The following LCOR variants were observed in gnomAD, a reference collection of about 807,000 sequenced individuals.
The protein encoded by LCOR is ligand dependent nuclear receptor corepressor.
In LCOR, 14 loss-of-function variants were observed where a neutral mutation model predicts 64.4. The observed-to-expected ratio is 0.22, with a 90% CI of 0.14 to 0.34. The LOEUF is 0.34. Among genes scored for constraint, LCOR ranks in the 10% least tolerant of loss-of-function variants. The pLI is 1.00. For synonymous variants in LCOR, 643 were observed against 642.5 expected (o/e 1.00, Z -0.01); for missense variants, 1,686 against 1,765.3 (o/e 0.96, Z 0.80).
intron 2 of LCOR, among the ~76,000 whole-genome samples, chr10:96,888,623 G>A (rs1036726962): frequency 6.6e-6 from 1 of 151,942 alleles, no homozygotes; most frequent in African/African-American, 2.4e-5. Flanking sequence ...AATAAACATT[G>A]GTCAAGTGCA....
At position 96,939,633 on chromosome 10, in the gene LCOR, A is replaced by G. The variant is rs141846408; in HGVS notation, c.-183-4480A>G. On this transcript the variant is annotated intron_variant, in intron 4 of 7. Transcript: ENST00000421806. Reference sequence around the variant, plus strand: ...TCAGAATATATCAAGAATTCTTACAATGCAACAATAAAATGGTAAACGACT... The same window carrying G: ...TCAGAATATATCAAGAATTCTTACAGTGCAACAATAAAATGGTAAACGACT... 3.8e-3 allele frequency among the ~76,000 whole-genome samples: 578 copies of G among 152,332 alleles called. 3 individuals carry two copies. Among genetic ancestry groups the G allele is most frequent in the African/African-American group, 0.011 (444 of 41,586 alleles).
intron 7 of LCOR, among the ~76,000 whole-genome samples, chr10:96,966,220 CTTTTTTTTTTTTTTT>C (rs34210121): frequency 5.6e-4 from 31 of 55,138 alleles, no homozygotes; most frequent in African/African-American, 2.5e-3. Flanking sequence ...CCAAAGGACT[CTTTTTTTTTTTTTTT>C]TTTTTTTTTT....
chr10:96,978,893 A>G (rs759579129), intron 7 of LCOR, among the ~76,000 whole-genome samples: 2 of 152,240 alleles, frequency 1.3e-5, no homozygotes, highest in Non-Finnish European at 2.9e-5. Flanking sequence ...GTTATCTAAT[A>G]TCTCACAACA....
rs775968459 is a variant in LCOR, at chr10:96,983,264, C to T, written c.2804C>T (p.Thr935Ile). 6 of 1,614,190 alleles carry T rather than the reference C, an allele frequency of 3.7e-6. No homozygotes were observed. Among genetic ancestry groups the T allele is most frequent in the Non-Finnish European group, 5.1e-6 (6 of 1,180,036 alleles). Residue 935 changes from threonine to isoleucine, a missense_variant, in exon 8 of 8, where the codon ACC becomes ATC. Around this residue, in one of 3 missense-constraint regions of LCOR, gnomAD observed 1,293 missense variants for 1,410.4 expected, o/e 0.92. Transcript: ENST00000421806. This position sits in a 1 kb window ranked among gnomAD's most constrained non-coding sequence, Gnocchi z 4.5. Reference sequence around the variant, plus strand: ...ATTTTCCCCAGCAGGGACCCCATAACCACAGCTGGACAGCCACTGCCTGGA... The same window carrying T: ...ATTTTCCCCAGCAGGGACCCCATAATCACAGCTGGACAGCCACTGCCTGGA... ...GEIFPSRDPI[T>I]TAGQPLPGER...
chr10:96,940,129 G>C (rs1847424477), intron 4 of LCOR, among the ~76,000 whole-genome samples: 1 of 152,044 alleles, frequency 6.6e-6, no homozygotes, highest in African/African-American at 2.4e-5. Context: ...TAATAAAAAA[G>C]ATAACAAGTG....
At chr10:96,849,753 G>A (rs118175664) in intron 2 of LCOR, among the ~76,000 whole-genome samples, 2 of 151,940 alleles carry the variant, frequency 1.3e-5, no homozygotes, top group East Asian at 3.9e-4. Flanking sequence ...CCAAGCAAGT[G>A]TGCCCTCAAA....
intron 5 of LCOR, among the ~76,000 whole-genome samples, chr10:96,948,633 T>C (rs1847626026): frequency 6.6e-6 from 1 of 152,190 alleles, no homozygotes; most frequent in Non-Finnish European, 1.5e-5. Context: ...AGAAGGTGGC[T>C]GAGGAAAAAG....
At chr10:96,926,854 G>A (rs1445408944) in intron 4 of LCOR, among the ~76,000 whole-genome samples, 1 of 151,938 alleles carries the variant, frequency 6.6e-6, no homozygotes, top group Non-Finnish European at 1.5e-5. Flanking sequence ...TTTTGTTTTT[G>A]TATATAAGCT....
At chr10:96,865,724 A>C (rs1370557141) in intron 2 of LCOR, among the ~76,000 whole-genome samples, 1 of 151,920 alleles carries the variant, frequency 6.6e-6, no homozygotes, top group South Asian at 2.1e-4. Context: ...AAATACAAAA[A>C]TTAGTCGGGT....
At chr10:96,941,560 C>T (rs28591207) in intron 4 of LCOR, among the ~76,000 whole-genome samples, 6,018 of 120,586 alleles carry the variant, frequency 0.05, no homozygotes, top group East Asian at 0.15. Flanking sequence ...CACCTCCCTC[C>T]CGGACGGGGT....
At chr10:96,913,337 TATGAAGAGCTA>T (rs1846879166) in intron 4 of LCOR, among the ~76,000 whole-genome samples, 3 of 152,282 alleles carry the variant, frequency 2.0e-5, no homozygotes, top group Middle Eastern at 6.8e-3. Context: ...ATGTTGATAG[TATGAAGAGCTA>T]ATCCAGTAGT....
In LCOR at chr10:96,985,105, A is replaced by G. The variant is rs751512523; in HGVS notation, c.4645A>G (p.Ser1549Gly). 6.2e-7 allele frequency: 1 copy of G among 1,602,792 alleles called. No homozygotes were observed. Among genetic ancestry groups the G allele is most frequent in the Non-Finnish European group, 8.5e-7 (1 of 1,176,580 alleles). The change falls in exon 8 of 8, where the codon AGC becomes GGC. Residue 1549 changes from serine (S) to glycine (G), a missense_variant. By Grantham distance (56) the Ser-to-Gly change is moderately conservative. This residue lies in a region of LCOR where 1,293 missense variants were observed against 1,410.4 expected (regional missense o/e 0.92). Coordinates refer to ENST00000421806, the MANE Select transcript of LCOR (RefSeq NM_001346516.2). ...KLKAKLDCSH[S>G]KRRRLDAK ...GAAGGCAAAGCTGGACTGTTCGCAC[A>G]GCAAACGGAGGCGGCTGGATGCAAA...
chr10:96,946,448 A>G (rs1481500758), intron 5 of LCOR, among the ~76,000 whole-genome samples: 1 of 152,118 alleles, frequency 6.6e-6, no homozygotes. Flanking sequence ...AAATGTCATA[A>G]TGACATTTCT....
Position 96,982,358 on chromosome 10 carries a change from G to A in LCOR, c.1898G>A (p.Gly633Asp). The A allele has an allele frequency of 6.2e-7, 1 of 1,614,078 alleles. No homozygotes were observed. Among genetic ancestry groups the A allele is most frequent in the Non-Finnish European group, 8.5e-7 (1 of 1,179,978 alleles). The change falls in exon 8 of 8, where the codon GGC becomes GAC. Residue 633 changes from glycine (G) to aspartate (D), a missense_variant. Transcript: ENST00000421806. ...CCTGAAGAGGACCTGCCAGAAGGTGGCTCCACAGTCTCAGCTCCCACAGCA... is the reference window on the plus strand; with the variant it reads ...CCTGAAGAGGACCTGCCAGAAGGTGACTCCACAGTCTCAGCTCCCACAGCA... ...HLPEEDLPEG[G>D]STVSAPTASG...
At chr10:96,951,657 A>T (rs551194425) in intron 6 of LCOR, among the ~76,000 whole-genome samples, 1 of 152,044 alleles carries the variant, frequency 6.6e-6, no homozygotes, top group East Asian at 1.9e-4. Flanking sequence ...TCGAATTTGT[A>T]TGTACTTTTG....
At chr10:96,938,644 A>G (rs1847394167) in intron 4 of LCOR, among the ~76,000 whole-genome samples, 1 of 152,192 alleles carries the variant, frequency 6.6e-6, no homozygotes, top group Admixed American at 6.5e-5. Context: ...ATCCCAAGAA[A>G]TTTACAAAAC....
chr10:96,951,780 TAAAA>T (rs923864515), intron 6 of LCOR, among the ~76,000 whole-genome samples: 1 of 152,112 alleles, frequency 6.6e-6, no homozygotes, highest in African/African-American at 2.4e-5. Flanking sequence ...AATGGAGTCT[TAAAA>T]AATCTGATAA....
intron 2 of LCOR, among the ~76,000 whole-genome samples, chr10:96,881,873 T>G (rs1846268778): frequency 6.6e-6 from 1 of 152,268 alleles, no homozygotes; most frequent in South Asian, 2.1e-4. Context: ...TTCCATTGTT[T>G]TACCACTTTT....
At chr10:96,862,712 A>G (rs1397571919) in intron 2 of LCOR, among the ~76,000 whole-genome samples, 1 of 152,170 alleles carries the variant, frequency 6.6e-6, no homozygotes, top group Non-Finnish European at 1.5e-5. Flanking sequence ...CCTATCCTCA[A>G]GCTACCTAGG....
Sources: gnomAD v4.1 joint callset for allele counts (sites outside exome capture counted in the v4.1 genomes callset) on GRCh38, gnomAD v4.1.1 for gene constraint, gnomAD v4.1.1 regional missense constraint, Gnocchi (gnomAD v3.1) non-coding constraint, MANE v1.5 for transcripts, NCBI Gene and HGNC (gene_info 2026-07-23, HGNC 2026-07-21) for gene names.